OSBPL10: variants seen among roughly 807,000 people sequenced by gnomAD.
OSBPL10 encodes the protein oxysterol-binding protein-related protein 10.
Under a neutral mutation model 81.7 loss-of-function variants are expected in OSBPL10, and 49 were observed. The observed-to-expected ratio is 0.60, with a 90% CI of 0.48 to 0.76. The LOEUF is 0.76. Ranked by LOEUF, OSBPL10 falls within the 30% of genes least tolerant of loss-of-function variation. The pLI is 0.00. For missense variants in OSBPL10, 923 were observed against 987.8 expected, an observed-to-expected ratio of 0.93 and a Z score of 0.88; for synonymous variants, 419 against 383.6, an observed-to-expected ratio of 1.09 and a Z score of -1.08.
intron 1 of OSBPL10, among the ~76,000 whole-genome samples, chr3:31,896,602 C>A (rs928769839): frequency 2.0e-5 from 3 of 152,228 alleles, no homozygotes; most frequent in Non-Finnish European, 2.9e-5. Context: ...TTAAGGGCCA[C>A]AGAGCAGAGG....
chr3:31,882,087 C>T (rs941581330), intron 1 of OSBPL10, among the ~76,000 whole-genome samples: 3 of 152,216 alleles, frequency 2.0e-5, no homozygotes, highest in Non-Finnish European at 4.4e-5. Context: ...AAGCTGAAAG[C>T]TCCTTTGCCT....
At chr3:31,731,878 A>G (rs1696981400) in intron 6 of OSBPL10, among the ~76,000 whole-genome samples, 1 of 152,198 alleles carries the variant, frequency 6.6e-6, no homozygotes, top group South Asian at 2.1e-4. Flanking sequence ...AACTTTGTGT[A>G]AAAAACAACA....
At chr3:31,993,567 C>T (rs967296251) in intron 2 of OSBPL10, among the ~76,000 whole-genome samples, 1 of 152,122 alleles carries the variant, frequency 6.6e-6, no homozygotes, top group Non-Finnish European at 1.5e-5. Context: ...ATAAGATATA[C>T]AGATGTCCGA....
At chr3:31,674,982 G>A (rs1575467534) in intron 8 of OSBPL10, among the ~76,000 whole-genome samples, 1 of 152,210 alleles carries the variant, frequency 6.6e-6, no homozygotes, top group Admixed American at 6.5e-5. Context: ...ATTAAATGTA[G>A]TTTCGTCTTA....
chr3:31,791,088 A>G (rs1316639933), intron 4 of OSBPL10, among the ~76,000 whole-genome samples: 2 of 14,184 alleles, frequency 1.4e-4, no homozygotes, highest in Non-Finnish European at 1.8e-4. Context: ...AATGTCATGG[A>G]AAAAAAAAAT....
intron 1 of OSBPL10, among the ~76,000 whole-genome samples, chr3:31,896,572 C>T (rs970128741): frequency 6.6e-6 from 1 of 152,210 alleles, no homozygotes; most frequent in Non-Finnish European, 1.5e-5. Flanking sequence ...ATTGCAGGGA[C>T]AGTCCAGGAC....
At chr3:32,005,620 A>T (rs1000736976) in intron 2 of OSBPL10, among the ~76,000 whole-genome samples, 2 of 151,916 alleles carry the variant, frequency 1.3e-5, no homozygotes, top group East Asian at 3.9e-4. Flanking sequence ...ATGGAGTTTC[A>T]CTCTGTTGCC....
rs527834521 is a variant in OSBPL10, at chr3:31,848,482, C to A, written c.538-18251G>T. ...CACCCAGTGACTTTTTTCGTCAGTT[C>A]TTTTTAAAACTCATGCTCTACTACT... is the stretch of plus-strand genomic sequence containing the variant. On this transcript the variant is annotated intron_variant, in intron 3 of 11. Coordinates refer to ENST00000396556, the MANE Select transcript of OSBPL10 (RefSeq NM_017784.5). Among the ~76,000 whole-genome samples, 15 of 152,080 alleles carry A rather than the reference C, an allele frequency of 9.9e-5. No individual in the cohort carries two copies. The South Asian group carries it at 2.5e-3, about 25-fold the overall frequency.
At chr3:31,721,048 C>T (rs1002399646) in intron 6 of OSBPL10, among the ~76,000 whole-genome samples, 3 of 152,072 alleles carry the variant, frequency 2.0e-5, no homozygotes, top group African/African-American at 7.2e-5. Context: ...TGTGTAATCA[C>T]AAGGGCCCTT....
At chr3:31,791,606 C>T (rs1699011987) in intron 4 of OSBPL10, among the ~76,000 whole-genome samples, 1 of 151,950 alleles carries the variant, frequency 6.6e-6, no homozygotes, top group South Asian at 2.1e-4. Context: ...TTCTTACTGG[C>T]TCATGTAAGA....
rs370937905 is a variant in OSBPL10, at chr3:31,845,299, T to C, written c.538-15068A>G. Among the ~76,000 whole-genome samples the C allele has an allele frequency of 3.3e-5, 5 of 152,338 alleles. No individual in the cohort carries two copies. In the East Asian group the frequency reaches 9.6e-4, roughly 29 times the overall value. On this transcript the variant is annotated intron_variant, in intron 3 of 11. Transcript: ENST00000396556. ...CATACAGAATATTTTATAATAAGGCTGCTCTTATTTCTTCTTCGTGTAGGC... is the reference window on the plus strand; with the variant it reads ...CATACAGAATATTTTATAATAAGGCCGCTCTTATTTCTTCTTCGTGTAGGC...
chr3:31,839,492 G>A (rs72850526), intron 3 of OSBPL10, among the ~76,000 whole-genome samples: 13,654 of 151,924 alleles, frequency 0.09, 1,551 homozygotes, highest in African/African-American at 0.27. Flanking sequence ...ACAAATAGGT[G>A]AAATATGAAG....
Position 32,060,442 on chromosome 3 carries a change from G to C in OSBPL10, n.186-13839C>G, listed in dbSNP as rs187266740. Among the ~76,000 whole-genome samples the C allele has an allele frequency of 2.6e-5, 4 of 152,192 alleles. No individual in the cohort carries two copies. In the East Asian group the frequency reaches 7.7e-4, roughly 29 times the overall value. Reference sequence around the variant, plus strand: ...CAACTTCTTGTCCTTTCTTAACCCTGCTTAAATGCTCATATACCAAAAATG... The same window carrying C: ...CAACTTCTTGTCCTTTCTTAACCCTCCTTAAATGCTCATATACCAAAAATG... On this transcript the variant is annotated intron_variant and non_coding_transcript_variant, in intron 1 of 3. Transcript: ENST00000479173.
intron 3 of OSBPL10, among the ~76,000 whole-genome samples, chr3:31,874,798 C>CT (rs1210417380): frequency 6.6e-6 from 1 of 152,084 alleles, no homozygotes; most frequent in Non-Finnish European, 1.5e-5. Flanking sequence ...TTAGCAACGT[C>CT]TATGAAAATT....
intron 3 of OSBPL10, among the ~76,000 whole-genome samples, chr3:31,835,093 T>C (rs973662150): frequency 2.0e-5 from 3 of 152,208 alleles, no homozygotes; most frequent in Admixed American, 6.5e-5. Flanking sequence ...GAATGAACTA[T>C]ATGGCCATTT....
At chr3:32,029,326 T>C (rs1421064325) in intron 2 of OSBPL10, among the ~76,000 whole-genome samples, 4 of 152,180 alleles carry the variant, frequency 2.6e-5, no homozygotes, top group African/African-American at 9.7e-5. Flanking sequence ...TTATTATTAT[T>C]ATACTCTAAG....
chr3:31,712,078 G>A (rs1204372314), intron 6 of OSBPL10, among the ~76,000 whole-genome samples: 3 of 152,112 alleles, frequency 2.0e-5, no homozygotes, highest in Non-Finnish European at 2.9e-5. Flanking sequence ...TGCCAGCCAG[G>A]GATGAAGAGA....
intron 3 of OSBPL10, among the ~76,000 whole-genome samples, chr3:31,867,203 A>C (rs1007447775): frequency 3.3e-5 from 5 of 152,176 alleles, no homozygotes; most frequent in Admixed American, 6.5e-5. Context: ...AGGAGATGGG[A>C]AACCAGGTCA....
chr3:31,854,132 TCAGTA>T (rs144394174), intron 3 of OSBPL10, among the ~76,000 whole-genome samples: 2,392 of 141,566 alleles, frequency 0.017, 52 homozygotes, highest in African/African-American at 0.056. Context: ...ACATTATATC[TCAGTA>T]AAGTTTTTTT....
Sources: gnomAD v4.1 joint callset for allele counts (sites outside exome capture counted in the v4.1 genomes callset) on GRCh38, gnomAD v4.1.1 for gene constraint, MANE v1.5 for transcripts, NCBI Gene and HGNC (gene_info 2026-07-23, HGNC 2026-07-21) for gene names.